The following SCRG1 variants were observed in gnomAD, a reference collection of about 807,000 sequenced individuals.
SCRG1 encodes the protein scrapie-responsive protein 1.
Under a neutral mutation model 7.7 loss-of-function variants are expected in SCRG1, and 3 were observed. The ratio of observed to expected loss-of-function variants is 0.39; its 90% confidence interval spans 0.18 to 1.01. The LOEUF is 1.01. Among genes scored for constraint, SCRG1 ranks in the 50% least tolerant of loss-of-function variants. SCRG1 has a pLI of 0.36. For synonymous variants in SCRG1, 46 were observed against 41.2 expected, an observed-to-expected ratio of 1.12 and a Z score of -0.44; for missense variants, 110 against 117.2, an observed-to-expected ratio of 0.94 and a Z score of 0.28.
Position 173,391,265 on chromosome 4 carries a change from CTG to C in SCRG1, c.148_149del (p.Gln50AspfsTer2), listed in dbSNP as rs750595272. On this transcript the variant is annotated frameshift_variant, in exon 2 of 3. Transcript: ENST00000296506. LOFTEE classifies it high-confidence loss of function. ...NLPEGVADLTQIDVNVQDHFW... is the reference protein window; with the variant it reads ...NLPEGVADLTXIDVNVQDHFW... ...AATGATCCTGGACATTGACATCAAT[CTG>C]TGTCAGGTCAGCTACTCCTTCCGGA... The C allele has an allele frequency of 4.3e-5, 69 of 1,613,982 alleles. No individual in the cohort carries two copies. Among genetic ancestry groups the C allele is most frequent in the South Asian group, 9.9e-5 (9 of 91,086 alleles).
chr4:173,484,638 G>T, the SCRG1 span, among the ~76,000 whole-genome samples: 1 of 85,308 alleles, frequency 1.2e-5, no homozygotes, highest in African/African-American at 4.8e-5. Flanking sequence ...TATATTATAT[G>T]CATATAATAT....
upstream of SCRG1, among the ~76,000 whole-genome samples, chr4:173,402,687 A>G (rs1739792138): frequency 2.0e-5 from 3 of 152,164 alleles, no homozygotes; most frequent in Admixed American, 2.0e-4. Context: ...CCTCTGTTCC[A>G]TGATTGACCC....
At chr4:173,485,787 T>C in the SCRG1 span, among the ~76,000 whole-genome samples, 1 of 152,000 alleles carries the variant, frequency 6.6e-6, no homozygotes, top group Non-Finnish European at 1.5e-5. Context: ...CTGTTCAACA[T>C]GGTGAAACCC....
At chr4:173,432,201 C>T in the SCRG1 span, among the ~76,000 whole-genome samples, 1 of 148,050 alleles carries the variant, frequency 6.8e-6, no homozygotes, top group Non-Finnish European at 1.5e-5. Flanking sequence ...TTCCCTCCCT[C>T]CCTCCCTCTT....
At chr4:173,435,500 A>G in the SCRG1 span, among the ~76,000 whole-genome samples, 1 of 152,208 alleles carries the variant, frequency 6.6e-6, no homozygotes. Flanking sequence ...CCTTTCACTC[A>G]TCAGTGATTT....
intron 2 of SCRG1, among the ~76,000 whole-genome samples, chr4:173,388,966 A>G (rs1057204532): frequency 2.6e-5 from 4 of 152,254 alleles, no homozygotes; most frequent in Non-Finnish European, 5.9e-5. Context: ...AAAATCAAGT[A>G]TACCCACACT....
chr4:173,483,833 TATATA>T, the SCRG1 span, among the ~76,000 whole-genome samples: 20 of 72,154 alleles, frequency 2.8e-4, 7 homozygotes, highest in East Asian at 3.1e-3. Flanking sequence ...ATATATATAA[TATATA>T]ATATATAATA....
rs1203838264 is a variant in SCRG1 at position 173,385,060 on chromosome 4, C to T, written c.*3281G>A. ...TAAACTTAGACAAACTACTTAATATCTTTAAACCTTAGCTTTTTTGTCCAT... is the reference window on the plus strand; with the variant it reads ...TAAACTTAGACAAACTACTTAATATTTTTAAACCTTAGCTTTTTTGTCCAT... On this transcript the variant is annotated 3_prime_UTR_variant, in exon 3 of 3. Coordinates refer to ENST00000296506, the MANE Select transcript of SCRG1 (RefSeq NM_007281.4). 6.6e-6 allele frequency: 1 copy of T among 152,186 alleles called. No homozygotes were observed. Among genetic ancestry groups the T allele is most frequent in the Admixed American group, 6.5e-5 (1 of 15,272 alleles). The allele number at this position is 152,186 out of a possible 1,614,324, so 9.4% of individuals were successfully genotyped here. A position where few individuals can be genotyped will look rare whatever the true frequency, so the allele number is the denominator to read the frequency against.
chr4:173,497,793 C>T, the SCRG1 span, among the ~76,000 whole-genome samples: 26 of 151,712 alleles, frequency 1.7e-4, no homozygotes, highest in African/African-American at 6.3e-4. Flanking sequence ...GCCTTAGCCT[C>T]CTGAGTAGCT....
upstream of SCRG1, among the ~76,000 whole-genome samples, chr4:173,402,817 C>A (rs773071086): frequency 2.6e-5 from 4 of 152,232 alleles, no homozygotes; most frequent in East Asian, 1.9e-4. Context: ...AGAGGTAGGA[C>A]TTTTTTTATG....
At chr4:173,432,869 C>T in the SCRG1 span, among the ~76,000 whole-genome samples, 20 of 152,266 alleles carry the variant, frequency 1.3e-4, no homozygotes, top group Admixed American at 5.9e-4. Context: ...CGTAACACTA[C>T]CCTGTTCTCT....
chr4:173,394,550 A>C (rs899686709), intron 1 of SCRG1, among the ~76,000 whole-genome samples: 1 of 152,172 alleles, frequency 6.6e-6, no homozygotes, highest in African/African-American at 2.4e-5. Context: ...AGGATGAGGC[A>C]GGAGAATCAC....
chr4:173,446,712 A>T, the SCRG1 span: 4 of 152,246 alleles, frequency 2.6e-5, no homozygotes, highest in African/African-American at 9.6e-5. Flanking sequence ...CACAGTGTAC[A>T]TGTTTTTAAT....
chr4:173,460,740 G>T, the SCRG1 span, among the ~76,000 whole-genome samples: 1 of 152,294 alleles, frequency 6.6e-6, no homozygotes, highest in Non-Finnish European at 1.5e-5. Context: ...CTGCCACAGT[G>T]GGTAAAGTAC....
chr4:173,487,311 A>G, the SCRG1 span, among the ~76,000 whole-genome samples: 3 of 152,192 alleles, frequency 2.0e-5, no homozygotes, highest in Non-Finnish European at 4.4e-5. Flanking sequence ...CTTCAACACA[A>G]GCAATCTAGT....
At position 173,386,920 on chromosome 4, in the gene SCRG1, A is replaced by G. The variant is rs952465535; in HGVS notation, c.*1421T>C. On this transcript the variant is annotated 3_prime_UTR_variant, in exon 3 of 3. Transcript: ENST00000296506. ...CTGGCACTTAGCAGGCTTTGAATAC[A>G]TTTTTATAACATGAAAGACTTTCTG... is the stretch of plus-strand genomic sequence containing the variant. 1 of 152,188 alleles carries G rather than the reference A, an allele frequency of 6.6e-6. No homozygotes were observed. Among genetic ancestry groups the G allele is most frequent in the Non-Finnish European group, 1.5e-5 (1 of 68,032 alleles). 9.4% of individuals were successfully genotyped at this position (152,188 alleles called of 1,614,324 possible).
the SCRG1 span, among the ~76,000 whole-genome samples, chr4:173,411,985 C>T: frequency 6.6e-6 from 1 of 152,186 alleles, no homozygotes; most frequent in Non-Finnish European, 1.5e-5. Flanking sequence ...AGTACTTTTG[C>T]TTCTGCCCCA....
the SCRG1 span, among the ~76,000 whole-genome samples, chr4:173,488,136 T>TTA: frequency 0.013 from 1,426 of 108,022 alleles, 34 homozygotes; most frequent in African/African-American, 0.047. Flanking sequence ...TAAATAAATT[T>TTA]AAAAAATGGT....
chr4:173,484,732 T>C, the SCRG1 span, among the ~76,000 whole-genome samples: 1 of 89,516 alleles, frequency 1.1e-5, no homozygotes. Flanking sequence ...TATATGCATA[T>C]AATACATATT....
Sources: gnomAD v4.1 joint callset for allele counts (sites outside exome capture counted in the v4.1 genomes callset) on GRCh38, gnomAD v4.1.1 for gene constraint, MANE v1.5 for transcripts, NCBI Gene and HGNC (gene_info 2026-07-23, HGNC 2026-07-21) for gene names.